DYNC1H1: variants seen among roughly 807,000 people sequenced by gnomAD.
DYNC1H1 encodes dynein cytoplasmic 1 heavy chain 1.
A neutral mutation model predicts 527.1 loss-of-function variants in DYNC1H1; 51 were observed. That is an observed-to-expected ratio of 0.10 (90% CI 0.08 to 0.12). The LOEUF (loss-of-function observed/expected upper bound fraction) is 0.12. DYNC1H1 is among the 10% of genes least tolerant of loss of function. The pLI is 1.00. For synonymous variants in DYNC1H1, 2,189 were observed against 2,278.8 expected, an observed-to-expected ratio of 0.96 and a Z score of 1.12; for missense variants, 2,771 against 5,971.8, an observed-to-expected ratio of 0.46 and a Z score of 17.66.
chr14:102,009,687 C>G, intron 29 of DYNC1H1, 156 bp from the exon 30 acceptor site: 2 of 1,142,696 alleles, frequency 1.8e-6, no homozygotes, highest in South Asian at 1.5e-5. Context: ...GGCTGGTGGT[C>G]CCCGAAGAAA....
intron 23 of DYNC1H1, 119 bp from the exon 24 acceptor site, chr14:102,004,399 C>T (rs756974299): frequency 9.5e-6 from 11 of 1,161,110 alleles, no homozygotes; most frequent in Non-Finnish European, 1.3e-5. Flanking sequence ...TGAATTTGGG[C>T]TGGAGATTGC....
chr14:102,015,553 T>C lies in DYNC1H1; in HGVS notation c.7242+221T>C, dbSNP rs548592455. ...GCCAGCTTAAACAAGGAAGCCCAGC[T>C]GTAGCAGCTACAAATGTTAAAAGTC... On this transcript the variant is annotated intron_variant, in intron 35 of 77. Transcript: ENST00000360184. This position sits in a 1 kb window ranked among gnomAD's most constrained non-coding sequence, Gnocchi z 6.9. 8.4e-4 allele frequency among the ~76,000 whole-genome samples: 128 copies of C among 152,368 alleles called. 5 individuals are homozygous for C. In the South Asian group the frequency reaches 0.025, roughly 30 times the overall value.
At position 102,001,889 on chromosome 14, in the gene DYNC1H1, C is replaced by T. The variant is rs940498185; in HGVS notation, c.4542+208C>T. 2.0e-5 allele frequency among the ~76,000 whole-genome samples: 3 copies of T among 152,236 alleles called. No homozygotes were observed. Among genetic ancestry groups the T allele is most frequent in the African/African-American group, 7.2e-5 (3 of 41,552 alleles). Reference sequence around the variant, plus strand: ...TCCTGGGCTCAAGTGATCTTCCCACCTCAGCCTCCAGGTAGCTGGGACCAC... The same window carrying T: ...TCCTGGGCTCAAGTGATCTTCCCACTTCAGCCTCCAGGTAGCTGGGACCAC... On this transcript the variant is annotated intron_variant, in intron 21 of 77. Transcript: ENST00000360184. The surrounding 1 kb of genome is among the most constrained non-coding windows in gnomAD (Gnocchi z 5.0).
chr14:102,036,279 C>T lies in DYNC1H1; in HGVS notation c.10755-210C>T, dbSNP rs1269558120. ...CTTGGTGTATGACTCAAGCTACCTC[C>T]TCATGCCAATAGTTGTTCAAAAGGA... On this transcript the variant is annotated intron_variant, in intron 56 of 77. Coordinates refer to ENST00000360184, the MANE Select transcript of DYNC1H1 (RefSeq NM_001376.5). This position sits in a 1 kb window ranked among gnomAD's most constrained non-coding sequence, Gnocchi z 5.6. 3 of 573,108 alleles carry T rather than the reference C, an allele frequency of 5.2e-6. No homozygotes were observed. Among genetic ancestry groups the T allele is most frequent in the Non-Finnish European group, 9.4e-6 (3 of 320,478 alleles). 35.5% of individuals were successfully genotyped at this position (573,108 alleles called of 1,614,324 possible).
intron 69 of DYNC1H1, chr14:102,043,556 A>T: frequency 2.6e-6 from 1 of 392,140 alleles, no homozygotes; most frequent in Non-Finnish European, 4.8e-6. Context: ...GGGCGAGAGG[A>T]GGGGGATTGT....
chr14:102,041,303 A>G lies in DYNC1H1; in HGVS notation c.11942-271A>G, dbSNP rs893945019. 26 of 499,568 alleles carry G rather than the reference A, an allele frequency of 5.2e-5. No individual in the cohort carries two copies. Among genetic ancestry groups the G allele is most frequent in the Non-Finnish European group, 8.8e-5 (24 of 272,926 alleles). 30.9% of individuals were successfully genotyped at this position (499,568 alleles called of 1,614,324 possible). A position where few individuals can be genotyped will look rare whatever the true frequency, so the allele number is the denominator to read the frequency against. On this transcript the variant is annotated intron_variant, in intron 64 of 77. Transcript: ENST00000360184. The surrounding 1 kb of genome is among the most constrained non-coding windows in gnomAD (Gnocchi z 4.5). ...TTCCTGAGTACCTTCAGGTGTTCTC[A>G]GGAAGTGAGCAGGTATTAGTTTAGT...
rs749588152 is a variant in DYNC1H1 at position 102,007,120 on chromosome 14, T to A, written c.5817+12T>A. On this transcript the variant is annotated intron_variant, in intron 28 of 77. Transcript: ENST00000360184. ...CCTTTGATTTCCAGGTGAGACACTT[T>A]ATGGGATCCACCTAAAATGTAATGC... 6.2e-7 allele frequency: 1 copy of A among 1,613,622 alleles called. No individual in the cohort carries two copies. Among genetic ancestry groups the A allele is most frequent in the Non-Finnish European group, 8.5e-7 (1 of 1,179,534 alleles).
rs2141275275 is a variant in DYNC1H1, at chr14:101,986,789, G to A, written c.2538+26G>A. 1 of 1,612,890 alleles carries A rather than the reference G, an allele frequency of 6.2e-7. No homozygotes were observed. Among genetic ancestry groups the A allele is most frequent in the Non-Finnish European group, 8.5e-7 (1 of 1,178,936 alleles). On this transcript the variant is annotated intron_variant, in intron 8 of 77. Coordinates refer to ENST00000360184, the MANE Select transcript of DYNC1H1 (RefSeq NM_001376.5). This position sits in a 1 kb window ranked among gnomAD's most constrained non-coding sequence, Gnocchi z 8.7. ...GTATGCTCTCATGTAATCCTCAGGT[G>A]TCCTGGTAACGAATGAAGCACAGTA...
rs183574421 is a variant in DYNC1H1 at position 102,003,979 on chromosome 14, C to T, written c.4884-539C>T. On this transcript the variant is annotated intron_variant, in intron 23 of 77. Coordinates refer to ENST00000360184, the MANE Select transcript of DYNC1H1 (RefSeq NM_001376.5). ...CTTACTGGCCCGGCGCGGTGGCTCA[C>T]GCCTGTAATCCCAGCACTTTGGGTG... 3.3e-3 allele frequency among the ~76,000 whole-genome samples: 504 copies of T among 151,584 alleles called. 2 individuals are homozygous for T. Among genetic ancestry groups the T allele is most frequent in the Admixed American group, 6.8e-3 (103 of 15,216 alleles).
chr14:102,034,434 T>C lies in DYNC1H1; in HGVS notation c.10736T>C (p.Met3579Thr). 6.2e-7 allele frequency: 1 copy of C among 1,613,102 alleles called. No homozygotes were observed. Among genetic ancestry groups the C allele is most frequent in the South Asian group, 1.1e-5 (1 of 91,030 alleles). ...ADDLCTENAI[M>T]LKRFNRYPLI... ...GACCTTTGCACAGAAAATGCCATCA[T>C]GCTGAAACGATTCAATAGGTATGAG... The change falls in exon 56 of 78, where the codon ATG becomes ACG. Residue 3579 changes from methionine (M) to threonine (T), a missense_variant. By Grantham distance (81) the Met-to-Thr change is moderately conservative. Around this residue, in one of 32 missense-constraint regions of DYNC1H1, gnomAD observed 283 missense variants for 737.6 expected, o/e 0.38. Transcript: ENST00000360184.
intron 5 of DYNC1H1, 53 bp from the exon 6 acceptor site, chr14:101,982,962 TTTAC>T: frequency 6.3e-7 from 1 of 1,593,966 alleles, no homozygotes; most frequent in East Asian, 2.2e-5. Flanking sequence ...CATATTTTAG[TTTAC>T]TTAGTTTTGT....
chr14:102,015,974 GC>G lies in DYNC1H1; in HGVS notation c.7363del (p.Leu2455TrpfsTer54). 1 of 1,614,058 alleles carries G rather than the reference GC, an allele frequency of 6.2e-7. No homozygotes were observed. On this transcript the variant is annotated frameshift_variant, in exon 36 of 78. Coordinates refer to ENST00000360184, the MANE Select transcript of DYNC1H1 (RefSeq NM_001376.5). LOFTEE classifies it high-confidence loss of function. This position sits in a 1 kb window ranked among gnomAD's most constrained non-coding sequence, Gnocchi z 6.9. ...EHIMDLTRLR[C>X]LGSLFSMLHQ... is the part of the protein sequence containing the mutation. ...ATCATGGACCTAACACGCCTGCGCT[GC>G]CTGGGCTCGCTCTTCTCCATGCTGC...
Position 102,049,840 on chromosome 14 carries a change from T to C in DYNC1H1, c.13642T>C (p.Ser4548Pro). 1 of 1,613,786 alleles carries C rather than the reference T, an allele frequency of 6.2e-7. No individual in the cohort carries two copies. Among genetic ancestry groups the C allele is most frequent in the Non-Finnish European group, 8.5e-7 (1 of 1,180,000 alleles). Residue 4548 changes from serine (S) to proline (P), a missense_variant, in exon 76 of 78, where the codon TCA becomes CCA. By Grantham distance (74) the Ser-to-Pro change is moderately conservative. Around this residue, in one of 32 missense-constraint regions of DYNC1H1, gnomAD observed 106 missense variants for 139.2 expected, o/e 0.76. Transcript: ENST00000360184. The surrounding 1 kb of genome is among the most constrained non-coding windows in gnomAD (Gnocchi z 5.5). Reference sequence around the variant, plus strand: ...CTGCCTGGAAGTCAACGTCACCACCTCACAGGGCGCCACCCTTGACGCTTG... The same window carrying C: ...CTGCCTGGAAGTCAACGTCACCACCCCACAGGGCGCCACCCTTGACGCTTG... ...ELCLEVNVTT[S>P]QGATLDACSF...
Position 102,029,480 on chromosome 14 carries a change from T to C in DYNC1H1, c.9469-59T>C. On this transcript the variant is annotated intron_variant, in intron 48 of 77. Coordinates refer to ENST00000360184, the MANE Select transcript of DYNC1H1 (RefSeq NM_001376.5). This position sits in a 1 kb window ranked among gnomAD's most constrained non-coding sequence, Gnocchi z 5.3. ...CCATCTGCCAAGGCCAAAATTGTTT[T>C]CTGAGGTTAAGTCACAGAGTTTCCT... The C allele has an allele frequency of 6.8e-6, 11 of 1,612,656 alleles. No homozygotes were observed. Among genetic ancestry groups the C allele is most frequent in the Non-Finnish European group, 9.3e-6 (11 of 1,179,376 alleles).
At position 102,039,549 on chromosome 14, in the gene DYNC1H1, A is replaced by G. The variant is rs981134465; in HGVS notation, c.11595+3A>G. 2 of 1,614,254 alleles carry G rather than the reference A, an allele frequency of 1.2e-6. No individual in the cohort carries two copies. Among genetic ancestry groups the G allele is most frequent in the Non-Finnish European group, 8.5e-7 (1 of 1,180,042 alleles). ...TTATAACAAAGGACCTCTTCCAGGT[A>G]GAGTGAGGTCCTCAGCCGCTCCCTG... On this transcript the variant is annotated splice_donor_region_variant and intron_variant, in intron 61 of 77. Coordinates refer to ENST00000360184, the MANE Select transcript of DYNC1H1 (RefSeq NM_001376.5). The surrounding 1 kb of genome is among the most constrained non-coding windows in gnomAD (Gnocchi z 7.0).
chr14:102,048,711 A>G (rs1174923103), intron 74 of DYNC1H1, 42 bp downstream of exon 74: 1 of 1,573,024 alleles, frequency 6.4e-7, no homozygotes, highest in African/African-American at 1.4e-5. Flanking sequence ...TCCGGCGGGC[A>G]CCTTGGCCAG....
chr14:102,047,641 GTATA>G (rs71116874), intron 72 of DYNC1H1, 172 bp from the exon 73 acceptor site: 3,052 of 304,992 alleles, frequency 0.01, 1 homozygote, highest in Middle Eastern at 0.013. Flanking sequence ...GTGTGTGTGT[GTATA>G]TATATATATA....
At position 101,981,125 on chromosome 14, in the gene DYNC1H1, A is replaced by T; in HGVS notation, c.961+575A>T. 1.3e-5 allele frequency among the ~76,000 whole-genome samples: 2 copies of T among 151,662 alleles called. 1 individual carries two copies. Among genetic ancestry groups the T allele is most frequent in the Non-Finnish European group, 2.9e-5 (2 of 67,952 alleles). On this transcript the variant is annotated intron_variant, in intron 5 of 77. Transcript: ENST00000360184. ...TGTTTTTTTCTTTTTAAAATTTTTAAAATTTATTTTTTTTAAGAGATGGGA... is the reference window on the plus strand; with the variant it reads ...TGTTTTTTTCTTTTTAAAATTTTTATAATTTATTTTTTTTAAGAGATGGGA...
rs374101414 is a variant in DYNC1H1, at chr14:102,018,401, C to T, written c.8178-50C>T. 8.4e-5 allele frequency: 135 copies of T among 1,602,340 alleles called. No homozygotes were observed. The highest frequency in any genetic ancestry group is 1.1e-4 in the Non-Finnish European group (130 of 1,177,328). On this transcript the variant is annotated intron_variant, in intron 40 of 77. Coordinates refer to ENST00000360184, the MANE Select transcript of DYNC1H1 (RefSeq NM_001376.5). This position sits in a 1 kb window ranked among gnomAD's most constrained non-coding sequence, Gnocchi z 5.2. ...GACTCCACTGGCACACTGCCCCTTC[C>T]TGGGAGGCGCTGTCAGGGAGGGGCG... is the stretch of plus-strand genomic sequence containing the variant.
Sources: allele counts gnomAD v4.1 joint callset (sites outside exome capture counted in the v4.1 genomes callset), GRCh38; gene constraint gnomAD v4.1.1; regional missense constraint gnomAD v4.1.1; non-coding constraint Gnocchi (gnomAD v3.1); transcripts MANE v1.5; gene names NCBI Gene and HGNC (gene_info 2026-07-23, HGNC 2026-07-21).